The following PARVA variants were observed in gnomAD, a reference collection of about 807,000 sequenced individuals.
PARVA encodes parvin alpha.
PARVA carries 25 observed loss-of-function variants against 52.6 expected under a neutral mutation model. That is an observed-to-expected ratio of 0.48 (90% CI 0.35 to 0.66). PARVA has a LOEUF of 0.66. PARVA is among the 30% of genes least tolerant of loss of function. The pLI, the probability that PARVA is intolerant of heterozygous loss-of-function variation, is 0.01. For synonymous variants in PARVA, 185 were observed against 179.1 expected, an observed-to-expected ratio of 1.03 and a Z score of -0.26; for missense variants, 373 against 450.9, an observed-to-expected ratio of 0.83 and a Z score of 1.56.
chr11:12,429,700 A>T (rs1940288523), intron 1 of PARVA, among the ~76,000 whole-genome samples: 1 of 152,090 alleles, frequency 6.6e-6, no homozygotes, highest in Non-Finnish European at 1.5e-5. Flanking sequence ...ACTATTTTTC[A>T]TCTTTGTATC....
At chr11:12,480,537 A>T (rs746069790) in intron 4 of PARVA, 1 of 152,194 alleles carries the variant, frequency 6.6e-6, no homozygotes, top group Non-Finnish European at 1.5e-5. Flanking sequence ...GCCACAGAGT[A>T]ATGGAACATG....
rs1421980394 is a variant in PARVA, at chr11:12,527,750, C to T, written c.1043-99C>T. On this transcript the variant is annotated intron_variant, in intron 12 of 12. Transcript: ENST00000334956. ...CCATCTGCCCCGAACATGCTGGGTA[C>T]ATGGGATTGGGTGGTGGGTGGAAGG... 14 of 884,588 alleles carry T rather than the reference C, an allele frequency of 1.6e-5. No homozygotes were observed. In the East Asian group the frequency reaches 3.4e-4, roughly 21 times the overall value. 54.8% of individuals were successfully genotyped at this position (884,588 alleles called of 1,614,324 possible).
rs1291927566 is a variant in PARVA, at chr11:12,440,743, AC to A, written c.137-33000del. Among the ~76,000 whole-genome samples, 3 of 151,984 alleles carry A rather than the reference AC, an allele frequency of 2.0e-5. No individual in the cohort carries two copies. The East Asian group carries it at 5.8e-4, about 29-fold the overall frequency. Reference sequence around the variant, plus strand: ...CTGGCCTTGGCCAGGGACTGTTCTTACCTCCAAGGGGCCACTCTCAGCTCCT... The same window carrying A: ...CTGGCCTTGGCCAGGGACTGTTCTTACTCCAAGGGGCCACTCTCAGCTCCT... On this transcript the variant is annotated intron_variant, in intron 1 of 12. Coordinates refer to ENST00000334956, the MANE Select transcript of PARVA (RefSeq NM_018222.5).
intron 9 of PARVA, 43 bp from the exon 10 acceptor site, chr11:12,513,938 CACAGGCTCCTGCACTA>C (rs56043920): frequency 0.58 from 898,397 of 1,541,028 alleles, 260,523 homozygotes; most frequent in East Asian, 0.68. Flanking sequence ...ACGGAGCAGC[CACAGGCTCCTGCACTA>C]GTGCGAGTCC....
chr11:12,444,669 C>T (rs1415810882), intron 1 of PARVA, among the ~76,000 whole-genome samples: 3 of 152,112 alleles, frequency 2.0e-5, no homozygotes, highest in Non-Finnish European at 4.4e-5. Context: ...CTCAAGTGAT[C>T]CTCCCACCTC....
intron 6 of PARVA, 21 bp from the exon 7 acceptor site, chr11:12,508,563 C>A: frequency 1.3e-6 from 2 of 1,594,796 alleles, no homozygotes; most frequent in East Asian, 2.3e-5. Flanking sequence ...CTCCCAACCC[C>A]TTTCCCCACC....
chr11:12,450,557 A>G (rs917139118), intron 1 of PARVA, among the ~76,000 whole-genome samples: 1 of 152,194 alleles, frequency 6.6e-6, no homozygotes, highest in African/African-American at 2.4e-5. Flanking sequence ...GACAGAACTA[A>G]TAGGATATAA....
At chr11:12,434,482 C>G (rs557741529) in intron 1 of PARVA, among the ~76,000 whole-genome samples, 14 of 152,198 alleles carry the variant, frequency 9.2e-5, no homozygotes, top group South Asian at 2.1e-4. Context: ...TGTCTCCCAG[C>G]CTTGGAGTTC....
chr11:12,414,424 A>T (rs1940035442), intron 1 of PARVA, among the ~76,000 whole-genome samples: 1 of 152,206 alleles, frequency 6.6e-6, no homozygotes, highest in Non-Finnish European at 1.5e-5. Flanking sequence ...TTTTGCTTCG[A>T]GTTAGTATTA....
chr11:12,531,265 G>C lies in PARVA; in HGVS notation c.*3340G>C, dbSNP rs995028078. 6.6e-6 allele frequency among the ~76,000 whole-genome samples: 1 copy of C among 152,160 alleles called. No individual in the cohort carries two copies. The highest frequency in any genetic ancestry group is 1.5e-5 in the Non-Finnish European group (1 of 68,044). ...ATCAGCACATCATCAGTGTTGCCTC[G>C]AGTTGGTTGCAATTTTCAATTGCTG... On this transcript the variant is annotated 3_prime_UTR_variant, in exon 13 of 13. Coordinates refer to ENST00000334956, the MANE Select transcript of PARVA (RefSeq NM_018222.5).
At chr11:12,425,287 A>G (rs1476571510) in intron 1 of PARVA, among the ~76,000 whole-genome samples, 1 of 152,222 alleles carries the variant, frequency 6.6e-6, no homozygotes, top group Non-Finnish European at 1.5e-5. Context: ...CCTGTGAAAC[A>G]CTAGGCAACA....
At chr11:12,460,873 G>A (rs1940767619) in intron 1 of PARVA, among the ~76,000 whole-genome samples, 1 of 152,168 alleles carries the variant, frequency 6.6e-6, no homozygotes, top group South Asian at 2.1e-4. Flanking sequence ...GCTTCACCAG[G>A]TGCCTTTGCT....
At chr11:12,404,490 G>GAGC (rs1939874571) in intron 1 of PARVA, among the ~76,000 whole-genome samples, 1 of 152,218 alleles carries the variant, frequency 6.6e-6, no homozygotes, top group African/African-American at 2.4e-5. Context: ...GACCCAATCA[G>GAGC]AGCCTCCACA....
At chr11:12,439,304 A>G (rs1269941517) in intron 1 of PARVA, among the ~76,000 whole-genome samples, 2 of 152,132 alleles carry the variant, frequency 1.3e-5, no homozygotes, top group African/African-American at 2.4e-5. Context: ...ACTGCAGGAG[A>G]GATGAAAAGA....
intron 1 of PARVA, among the ~76,000 whole-genome samples, chr11:12,438,698 G>A (rs1485178990): frequency 6.6e-6 from 1 of 152,048 alleles, no homozygotes; most frequent in African/African-American, 2.4e-5. Context: ...GACTTTTATT[G>A]TTCCTAACCC....
In PARVA at chr11:12,424,936, C is replaced by T. The variant is rs528002814; in HGVS notation, c.136+47153C>T. Among the ~76,000 whole-genome samples the T allele has an allele frequency of 1.2e-4, 18 of 152,216 alleles. No individual in the cohort carries two copies. In the South Asian group the frequency reaches 3.5e-3, roughly 30 times the overall value. On this transcript the variant is annotated intron_variant, in intron 1 of 12. Transcript: ENST00000334956. Reference sequence around the variant, plus strand: ...TACTTGTTTGTTTTTGAAACATTTCCCTTTTCTGTGTGTAGGATATTATTT... The same window carrying T: ...TACTTGTTTGTTTTTGAAACATTTCTCTTTTCTGTGTGTAGGATATTATTT...
At chr11:12,391,231 C>A (rs1338484191) in intron 1 of PARVA, among the ~76,000 whole-genome samples, 1 of 152,154 alleles carries the variant, frequency 6.6e-6, no homozygotes, top group African/African-American at 2.4e-5. Flanking sequence ...CAATTGGGAC[C>A]TGACGCTTCA....
In PARVA at chr11:12,453,016, G is replaced by A. The variant is rs542005123; in HGVS notation, c.137-20729G>A. The stretch of plus-strand genomic sequence containing the variant: ...GAAATCCTAGACCATGGGCTGCGGG[G>A]CACTTTGCCCTCAAGGTAGGTCAGA... On this transcript the variant is annotated intron_variant, in intron 1 of 12. Coordinates refer to ENST00000334956, the MANE Select transcript of PARVA (RefSeq NM_018222.5). 139 of 456,490 alleles carry A rather than the reference G, an allele frequency of 3.0e-4. 2 individuals carry two copies. Among genetic ancestry groups the A allele is most frequent in the South Asian group, 2.1e-3 (133 of 64,550 alleles). 28.3% of individuals were successfully genotyped at this position (456,490 alleles called of 1,614,324 possible). A position where few individuals can be genotyped will look rare whatever the true frequency, so the allele number is the denominator to read the frequency against.
In PARVA at chr11:12,528,029, C is replaced by A; in HGVS notation, c.*104C>A. The stretch of plus-strand genomic sequence containing the variant: ...GCTTATTCCTGTCTCTTGCACTGTG[C>A]TCTCCCACAAGTCCAGCTGCAACCC... On this transcript the variant is annotated 3_prime_UTR_variant, in exon 13 of 13. Transcript: ENST00000334956. 1.2e-6 allele frequency: 1 copy of A among 817,274 alleles called. No individual in the cohort carries two copies. The highest frequency in any genetic ancestry group is 2.1e-6 in the Non-Finnish European group (1 of 465,488). The allele number at this position is 817,274 out of a possible 1,614,324, so 50.6% of individuals were successfully genotyped here.
Sources: allele counts gnomAD v4.1 joint callset (sites outside exome capture counted in the v4.1 genomes callset), GRCh38; gene constraint gnomAD v4.1.1; transcripts MANE v1.5; gene names NCBI Gene and HGNC (gene_info 2026-07-23, HGNC 2026-07-21).